Variants in KCTD8 observed in about 807,000 individuals in gnomAD.
KCTD8 encodes the protein BTB/POZ domain-containing protein KCTD8.
Under a neutral mutation model 31.5 loss-of-function variants are expected in KCTD8, and 27 were observed. The ratio of observed to expected loss-of-function variants is 0.86; its 90% CI spans 0.63 to 1.18. The LOEUF (loss-of-function observed/expected upper bound fraction) is 1.18. KCTD8 is among the 50% of genes most tolerant of loss of function. The pLI is 0.00. For missense variants in KCTD8, 658 were observed against 647.7 expected, an observed-to-expected ratio of 1.02 and a Z score of -0.17; for synonymous variants, 290 against 280.0, an observed-to-expected ratio of 1.04 and a Z score of -0.36.
intron 1 of KCTD8, among the ~76,000 whole-genome samples, chr4:44,428,129 G>C (rs756065526): frequency 1.3e-4 from 20 of 151,426 alleles, no homozygotes; most frequent in Non-Finnish European, 2.2e-4. Context: ...AAGTATAAAA[G>C]AAATTCATTC....
intron 1 of KCTD8, chr4:44,293,894 A>AGAATGAG: frequency 2.4e-6 from 1 of 420,504 alleles, no homozygotes; most frequent in South Asian, 1.7e-5. Flanking sequence ...TATTGCATAG[A>AGAATGAG]GAATGAGATA....
At chr4:44,435,613 A>G (rs2109480682) in intron 1 of KCTD8, among the ~76,000 whole-genome samples, 1 of 152,216 alleles carries the variant, frequency 6.6e-6, no homozygotes, top group Non-Finnish European at 1.5e-5. Flanking sequence ...ATACGTAAAG[A>G]AATGCCATAA....
At chr4:44,253,447 G>T (rs1462344216) in intron 1 of KCTD8, among the ~76,000 whole-genome samples, 2 of 151,878 alleles carry the variant, frequency 1.3e-5, no homozygotes, top group South Asian at 4.1e-4. Context: ...GGTGGAGTTT[G>T]TGTCCTCTTC....
chr4:44,283,628 G>A (rs918378857), intron 1 of KCTD8, among the ~76,000 whole-genome samples: 1 of 152,032 alleles, frequency 6.6e-6, no homozygotes, highest in Admixed American at 6.6e-5. Context: ...TTTACAGCAT[G>A]GTTTACTATT....
intron 1 of KCTD8, among the ~76,000 whole-genome samples, chr4:44,311,303 C>T (rs1037886197): frequency 1.3e-5 from 2 of 151,950 alleles, no homozygotes; most frequent in Non-Finnish European, 2.9e-5. Flanking sequence ...TTCTATCTTC[C>T]ACGGTGTTGC....
chr4:44,196,594 A>G lies in KCTD8; in HGVS notation c.962-21344T>C, dbSNP rs539855823. ...TAAAAAACCATGTCAGGATCCATCA[A>G]AGGAGTAAGAGAACACACGAAGAAC... On this transcript the variant is annotated intron_variant, in intron 1 of 1. Coordinates refer to ENST00000360029, the MANE Select transcript of KCTD8 (RefSeq NM_198353.3). 1.0e-3 allele frequency among the ~76,000 whole-genome samples: 153 copies of G among 152,322 alleles called. 1 individual carries two copies. Among genetic ancestry groups the G allele is most frequent in the African/African-American group, 3.5e-3 (147 of 41,566 alleles).
Position 44,433,508 on chromosome 4 carries a change from T to TAA in KCTD8, c.961+14053_961+14054dup, listed in dbSNP as rs1382476678. 3.3e-5 allele frequency among the ~76,000 whole-genome samples: 5 copies of TAA among 151,702 alleles called. No individual in the cohort carries two copies. The East Asian group carries it at 5.8e-4, about 18-fold the overall frequency. On this transcript the variant is annotated intron_variant, in intron 1 of 1. Transcript: ENST00000360029. ...GGAGCTCTTCACAGATGGGAGTATA[T>TAA]AAGTCTGCATTTTACACTCCCAAAG...
chr4:44,290,378 C>T (rs1717234957), intron 1 of KCTD8, among the ~76,000 whole-genome samples: 1 of 152,096 alleles, frequency 6.6e-6, no homozygotes, highest in Admixed American at 6.5e-5. Flanking sequence ...GAGACTTCAG[C>T]ACACCACTGA....
chr4:44,265,767 G>A (rs144055722), intron 1 of KCTD8, among the ~76,000 whole-genome samples: 2,066 of 152,236 alleles, frequency 0.014, 50 homozygotes, highest in African/African-American at 0.046. Context: ...AGGAGCCGAC[G>A]CAATCAACTG....
intron 1 of KCTD8, among the ~76,000 whole-genome samples, chr4:44,346,621 C>A (rs571240775): frequency 6.6e-6 from 1 of 152,042 alleles, no homozygotes; most frequent in African/African-American, 2.4e-5. Context: ...TATGCACATA[C>A]AAATGTCACC....
At chr4:44,440,211 G>C (rs1479784238) in intron 1 of KCTD8, among the ~76,000 whole-genome samples, 2 of 152,180 alleles carry the variant, frequency 1.3e-5, no homozygotes, top group East Asian at 3.9e-4. Context: ...TGGATTACAG[G>C]CGTGAGCCAC....
intron 1 of KCTD8, among the ~76,000 whole-genome samples, chr4:44,247,641 C>T (rs1204654127): frequency 6.6e-6 from 1 of 151,858 alleles, no homozygotes; most frequent in Non-Finnish European, 1.5e-5. Context: ...CAGCTCTTGG[C>T]AATCACCATT....
chr4:44,243,345 A>G (rs907694730), intron 1 of KCTD8, among the ~76,000 whole-genome samples: 1 of 152,232 alleles, frequency 6.6e-6, no homozygotes, highest in South Asian at 2.1e-4. Context: ...TGTTATATTT[A>G]CTGTAAATAT....
intron 1 of KCTD8, among the ~76,000 whole-genome samples, chr4:44,190,687 C>T (rs1355698544): frequency 2.0e-5 from 3 of 152,122 alleles, no homozygotes; most frequent in African/African-American, 7.2e-5. Context: ...AATGCCCTTA[C>T]ATCTTTGGCC....
chr4:44,245,782 G>A (rs1171130163), intron 1 of KCTD8, among the ~76,000 whole-genome samples: 1 of 151,858 alleles, frequency 6.6e-6, no homozygotes, highest in East Asian at 1.9e-4. Flanking sequence ...TGCAGAAAAA[G>A]CAGCTAACTC....
chr4:44,271,036 T>C (rs1283028383), intron 1 of KCTD8, among the ~76,000 whole-genome samples: 2 of 152,078 alleles, frequency 1.3e-5, no homozygotes, highest in Non-Finnish European at 2.9e-5. Flanking sequence ...AATGAAGGTA[T>C]ACACTGTATA....
intron 1 of KCTD8, among the ~76,000 whole-genome samples, chr4:44,301,155 T>G (rs1276585255): frequency 6.6e-6 from 1 of 152,164 alleles, no homozygotes; most frequent in Admixed American, 6.5e-5. Flanking sequence ...TTTGCTATTG[T>G]GAATAATGCC....
At chr4:44,335,670 C>T (rs1420670404) in intron 1 of KCTD8, among the ~76,000 whole-genome samples, 1 of 152,028 alleles carries the variant, frequency 6.6e-6, no homozygotes, top group Non-Finnish European at 1.5e-5. Context: ...TAGAAAAAGG[C>T]ATAAATAACT....
At chr4:44,293,575 C>A in intron 1 of KCTD8, 3 of 365,454 alleles carry the variant, frequency 8.2e-6, no homozygotes, top group East Asian at 7.7e-5. Flanking sequence ...CAGGGAAAAG[C>A]AAATTATATT....
Sources: allele counts gnomAD v4.1 joint callset (sites outside exome capture counted in the v4.1 genomes callset), GRCh38; gene constraint gnomAD v4.1.1; transcripts MANE v1.5; gene names NCBI Gene and HGNC (gene_info 2026-07-23, HGNC 2026-07-21).